SEMA5A: variants seen among roughly 807,000 people sequenced by gnomAD.
SEMA5A encodes semaphorin-5A.
Under a neutral mutation model 135.5 loss-of-function variants are expected in SEMA5A, and 55 were observed. The observed-to-expected ratio is 0.41, with a 90% CI of 0.33 to 0.51. The LOEUF is 0.51. Among genes scored for constraint, SEMA5A ranks in the 20% least tolerant of loss-of-function variants. SEMA5A has a pLI of 0.37. For synonymous variants in SEMA5A, 580 were observed against 546.5 expected (o/e 1.06, Z -0.85); for missense variants, 1,290 against 1,419.9 (o/e 0.91, Z 1.47).
chr5:9,116,470 A>G (rs1740519022), intron 15 of SEMA5A, among the ~76,000 whole-genome samples: 1 of 152,232 alleles, frequency 6.6e-6, no homozygotes, highest in Non-Finnish European at 1.5e-5. Flanking sequence ...ATTTTAAAGT[A>G]CATGTAAAAA....
In SEMA5A at chr5:9,062,537, C is replaced by T. The variant is rs569945945; in HGVS notation, c.2518+350G>A. 3.3e-5 allele frequency among the ~76,000 whole-genome samples: 5 copies of T among 152,260 alleles called. No individual in the cohort carries two copies. The East Asian group carries it at 9.7e-4, about 29-fold the overall frequency. On this transcript the variant is annotated intron_variant, in intron 18 of 22. Transcript: ENST00000382496. ...GTGGAGTGCAGTGGCCTGATGATGG[C>T]TCACTGTAGTCTTGATCTCCTGGAC...
intron 5 of SEMA5A, among the ~76,000 whole-genome samples, chr5:9,275,050 T>A (rs1196448306): frequency 2.0e-5 from 3 of 152,090 alleles, no homozygotes; most frequent in Non-Finnish European, 4.4e-5. Context: ...GGAGCTGGTT[T>A]ATTGAAAAGA....
chr5:9,236,617 C>T (rs1287024929), intron 6 of SEMA5A, among the ~76,000 whole-genome samples: 1 of 152,218 alleles, frequency 6.6e-6, no homozygotes, highest in Non-Finnish European at 1.5e-5. Context: ...GAGGATATCA[C>T]ATTCGAATTC....
intron 1 of SEMA5A, among the ~76,000 whole-genome samples, chr5:9,513,098 A>G (rs1736305047): frequency 6.7e-6 from 1 of 148,362 alleles, no homozygotes; most frequent in Admixed American, 6.7e-5. Context: ...CAAGCTGAGG[A>G]CTAGAGTAAA....
At chr5:9,294,229 G>A (rs905841317) in intron 5 of SEMA5A, among the ~76,000 whole-genome samples, 2 of 152,056 alleles carry the variant, frequency 1.3e-5, no homozygotes, top group Non-Finnish European at 2.9e-5. Flanking sequence ...AGCCACTCAA[G>A]GTTTGGGACT....
chr5:9,293,608 T>C (rs1751191634), intron 5 of SEMA5A, among the ~76,000 whole-genome samples: 1 of 152,248 alleles, frequency 6.6e-6, no homozygotes, highest in Admixed American at 6.5e-5. Flanking sequence ...TTTGTGTTTG[T>C]GTAATTTTCC....
At chr5:9,293,913 G>T (rs979109497) in intron 5 of SEMA5A, among the ~76,000 whole-genome samples, 1 of 152,184 alleles carries the variant, frequency 6.6e-6, no homozygotes, top group African/African-American at 2.4e-5. Flanking sequence ...ATAGAGAAAA[G>T]AAATAATGAG....
chr5:9,087,633 C>G (rs1000366111), intron 16 of SEMA5A, among the ~76,000 whole-genome samples: 2 of 151,908 alleles, frequency 1.3e-5, no homozygotes, highest in Non-Finnish European at 2.9e-5. Flanking sequence ...CTCCTTATCA[C>G]TATAAACACA....
intron 3 of SEMA5A, among the ~76,000 whole-genome samples, chr5:9,348,321 A>C (rs1753966858): frequency 6.6e-6 from 1 of 152,224 alleles, no homozygotes; most frequent in South Asian, 2.1e-4. Context: ...TAGAAGAAGC[A>C]ATTTCTACTC....
chr5:9,190,143 G>A, intron 11 of SEMA5A, 124 bp downstream of exon 11: 1 of 956,746 alleles, frequency 1.0e-6, no homozygotes, highest in South Asian at 1.6e-5. Flanking sequence ...CGCGGGTTTT[G>A]CTGGTTGCAA....
At chr5:9,423,545 G>T (rs933369544) in intron 2 of SEMA5A, among the ~76,000 whole-genome samples, 1 of 152,202 alleles carries the variant, frequency 6.6e-6, no homozygotes, top group African/African-American at 2.4e-5. Context: ...AATGGCCAGT[G>T]CCAAATCTTG....
intron 3 of SEMA5A, among the ~76,000 whole-genome samples, chr5:9,365,131 A>G (rs1187969462): frequency 6.6e-6 from 1 of 152,208 alleles, no homozygotes; most frequent in Non-Finnish European, 1.5e-5. Context: ...TGCATTAGAA[A>G]ATATACAGAA....
intron 8 of SEMA5A, among the ~76,000 whole-genome samples, chr5:9,207,427 C>T (rs1178574283): frequency 1.3e-5 from 2 of 151,982 alleles, no homozygotes; most frequent in Non-Finnish European, 2.9e-5. Context: ...TCAGGTGATC[C>T]GCCCACTTCA....
At chr5:9,355,834 T>C (rs1754418332) in intron 3 of SEMA5A, among the ~76,000 whole-genome samples, 2 of 152,046 alleles carry the variant, frequency 1.3e-5, no homozygotes, top group South Asian at 4.2e-4. Flanking sequence ...TTAGAACAAA[T>C]GAATGCATGC....
At position 9,337,782 on chromosome 5, in the gene SEMA5A, G is replaced by A. The variant is rs201327519; in HGVS notation, c.155C>T (p.Ala52Val). The change falls in exon 4 of 23, where the codon GCG (alanine) becomes GTG (valine). Residue 52 changes from alanine to valine, a missense_variant. Coordinates refer to ENST00000382496, the MANE Select transcript of SEMA5A (RefSeq NM_003966.3). ...CTGCGAGAAATCCACAGCATTCTTC[G>A]CTCTGAACTCCCGTAACCAGGGGCC... ...EIGPWLREFR[A>V]KNAVDFSQLT... 25 of 1,610,534 alleles carry A rather than the reference G, an allele frequency of 1.6e-5. No homozygotes were observed. The highest frequency in any genetic ancestry group is 8.0e-5 in the African/African-American group (6 of 74,890).
At chr5:9,247,144 G>C (rs1272065881) in intron 5 of SEMA5A, among the ~76,000 whole-genome samples, 6 of 152,142 alleles carry the variant, frequency 3.9e-5, no homozygotes, top group Non-Finnish European at 7.4e-5. Flanking sequence ...GCAACTCTTT[G>C]TTGTTTGGCT....
chr5:9,208,343 C>T (rs1042735336), intron 8 of SEMA5A, among the ~76,000 whole-genome samples: 5 of 152,180 alleles, frequency 3.3e-5, no homozygotes, highest in African/African-American at 9.6e-5. Flanking sequence ...AGCCTGGAGC[C>T]GGCCAGAGTA....
At chr5:9,269,623 A>G (rs751326467) in intron 5 of SEMA5A, among the ~76,000 whole-genome samples, 1 of 152,168 alleles carries the variant, frequency 6.6e-6, no homozygotes, top group Non-Finnish European at 1.5e-5. Context: ...TAGAATAGAA[A>G]CATTGTAATT....
At chr5:9,167,930 A>G (rs888989110) in intron 11 of SEMA5A, among the ~76,000 whole-genome samples, 2 of 152,172 alleles carry the variant, frequency 1.3e-5, no homozygotes, top group African/African-American at 2.4e-5. Context: ...CTCAGAAGTC[A>G]ATCTTTAAGC....
Sources: allele counts gnomAD v4.1 joint callset (sites outside exome capture counted in the v4.1 genomes callset), GRCh38; gene constraint gnomAD v4.1.1; transcripts MANE v1.5; gene names NCBI Gene and HGNC (gene_info 2026-07-23, HGNC 2026-07-21).